STRA6: variants seen among roughly 807,000 people sequenced by gnomAD.
STRA6 encodes receptor for retinol uptake STRA6.
In STRA6, 48 loss-of-function variants were observed where a neutral mutation model predicts 83.6. The observed-to-expected ratio is 0.57, with a 90% CI of 0.46 to 0.73. The LOEUF is 0.73. Ranked by LOEUF, STRA6 falls within the 30% of genes least tolerant of loss-of-function variation. The probability of loss-of-function intolerance (pLI) is 0.00; values close to 1 mark genes in which losing one functional copy is unlikely to be tolerated. For missense variants in STRA6, 760 were observed against 838.8 expected, an observed-to-expected ratio of 0.91 and a Z score of 1.16; for synonymous variants, 353 against 362.3, an observed-to-expected ratio of 0.97 and a Z score of 0.29.
chr15:74,206,256 G>A (rs1256029306), upstream of STRA6, among the ~76,000 whole-genome samples: 1 of 152,222 alleles, frequency 6.6e-6, no homozygotes, highest in African/African-American at 2.4e-5. Flanking sequence ...GGTGCGGGCA[G>A]GGTGGGCAGG....
chr15:74,184,542 G>A (rs2073149225), intron 13 of STRA6, among the ~76,000 whole-genome samples: 1 of 152,054 alleles, frequency 6.6e-6, no homozygotes, highest in Non-Finnish European at 1.5e-5. Context: ...CCTCTCCAGT[G>A]TGCTATGCCA....
At position 74,180,812 on chromosome 15, in the gene STRA6, C is replaced by G. The variant is rs374676386; in HGVS notation, c.1810G>C (p.Asp604His). The G allele has an allele frequency of 7.7e-5, 125 of 1,613,328 alleles. No homozygotes were observed. The highest frequency in any genetic ancestry group is 1.0e-4 in the Non-Finnish European group (121 of 1,179,498). ...LLPRTMAAPQ[D>H]SLRPGEEDEG... ...TCTTCCTCCCCTGGTCTGAGGCTGTCCTGGGGGGCTGCCATGGTCCTGGGT... is the reference window on the plus strand; with the variant it reads ...TCTTCCTCCCCTGGTCTGAGGCTGTGCTGGGGGGCTGCCATGGTCCTGGGT... Residue 604 changes from aspartate (D) to histidine (H), a missense_variant, in exon 18 of 19, where the codon GAC becomes CAC. By Grantham distance (81) the Asp-to-His change is moderately conservative. Transcript: ENST00000395105.
intron 11 of STRA6, among the ~76,000 whole-genome samples, chr15:74,189,511 A>C (rs891065196): frequency 2.6e-5 from 4 of 152,236 alleles, no homozygotes; most frequent in African/African-American, 9.6e-5. Context: ...CCGTAACTTC[A>C]TATAGTCAGC....
chr15:74,209,381 C>G, upstream of STRA6: 1 of 1,535,648 alleles, frequency 6.5e-7, no homozygotes, highest in Non-Finnish European at 8.7e-7. Flanking sequence ...CCATCCATCA[C>G]TCCCAGGGGG....
chr15:74,182,241 G>C lies in STRA6; in HGVS notation c.1440C>G (p.Ala480=), dbSNP rs143350697. 1.9e-6 allele frequency: 3 copies of C among 1,614,034 alleles called. No homozygotes were observed. In the South Asian group the frequency reaches 3.3e-5, roughly 18 times the overall value. The change falls in exon 16 of 19, where the codon GCC becomes GCG. Residue 480 remains alanine, a synonymous_variant. Transcript: ENST00000395105. ...CCATGTTCTGCAGGATCACAGCCAG[G>C]GCCAAAGTCAGCCAGAAGGGCCTGC... ...ESSWPFWLTL[A]LAVILQNMAA... is the part of the protein sequence containing the mutation.
upstream of STRA6, among the ~76,000 whole-genome samples, chr15:74,211,972 A>T (rs560704151): frequency 5.9e-5 from 9 of 151,864 alleles, no homozygotes; most frequent in Admixed American, 3.3e-4. Flanking sequence ...CCCACTCCCC[A>T]GTCTGGCTGT....
At chr15:74,211,393 C>CTTTTTTT (rs34963230), upstream of STRA6, among the ~76,000 whole-genome samples, 23 of 73,894 alleles carry the variant, frequency 3.1e-4, no homozygotes, top group East Asian at 8.7e-4. Flanking sequence ...CTGCCCCTGG[C>CTTTTTTT]TTTTTTTTTT....
At chr15:74,206,144 C>A (rs1344116257), upstream of STRA6, among the ~76,000 whole-genome samples, 1 of 152,198 alleles carries the variant, frequency 6.6e-6, no homozygotes, top group African/African-American at 2.4e-5. Flanking sequence ...ACACCAGTAA[C>A]CAGTTGTAAC....
chr15:74,181,754 C>T (rs1351192794), intron 16 of STRA6, among the ~76,000 whole-genome samples: 2 of 152,126 alleles, frequency 1.3e-5, no homozygotes, highest in East Asian at 3.9e-4. Flanking sequence ...ACCCTGATGC[C>T]TCCCACCTCC....
intron 2 of STRA6, among the ~76,000 whole-genome samples, chr15:74,200,151 C>T (rs936838826): frequency 2.6e-5 from 4 of 152,180 alleles, no homozygotes; most frequent in Non-Finnish European, 5.9e-5. Context: ...ACTGGGGAAG[C>T]GGAGGTTGCA....
chr15:74,207,664 T>C (rs575199166), upstream of STRA6: 7 of 1,527,646 alleles, frequency 4.6e-6, no homozygotes, highest in Non-Finnish European at 6.1e-6. Context: ...AAGAGAGGCG[T>C]TCCAGGAGTG....
chr15:74,202,911 G>A (rs938843456), upstream of STRA6: 1 of 990,916 alleles, frequency 1.0e-6, no homozygotes, highest in Non-Finnish European at 1.2e-6. Flanking sequence ...CCCCTCCTGG[G>A]GGAGGAGGCC....
intron 1 of STRA6, 193 bp from the exon 2 acceptor site, chr15:74,202,475 G>C: frequency 2.6e-6 from 4 of 1,535,986 alleles, no homozygotes; most frequent in Non-Finnish European, 3.5e-6. Context: ...GCTGGCACGG[G>C]AAGAGGACAG....
chr15:74,194,676 G>T, intron 7 of STRA6: 1 of 936,070 alleles, frequency 1.1e-6, no homozygotes, highest in Non-Finnish European at 1.4e-6. Flanking sequence ...GTTCATAGCT[G>T]TAGTCCAGTG....
At chr15:74,190,976 C>T (rs992686054) in intron 10 of STRA6, 75 bp from the exon 11 acceptor site, 3 of 1,604,444 alleles carry the variant, frequency 1.9e-6, no homozygotes, top group South Asian at 2.2e-5. Flanking sequence ...CCCAAGGGGC[C>T]CAGGAAAAGG....
intron 9 of STRA6, 37 bp downstream of exon 9, chr15:74,191,387 A>G (rs1391671179): frequency 6.2e-7 from 1 of 1,611,380 alleles, no homozygotes; most frequent in African/African-American, 1.3e-5. Flanking sequence ...AACCAGCCCA[A>G]TCCATTGGCC....
chr15:74,205,138 T>C (rs1256084071), upstream of STRA6, among the ~76,000 whole-genome samples: 1 of 151,970 alleles, frequency 6.6e-6, no homozygotes, highest in Non-Finnish European at 1.5e-5. Flanking sequence ...AGTTGGCTGT[T>C]TGAGACAAGG....
At chr15:74,198,238 C>A (rs1448336738) in intron 2 of STRA6, among the ~76,000 whole-genome samples, 1 of 152,068 alleles carries the variant, frequency 6.6e-6, no homozygotes, top group Admixed American at 6.5e-5. Flanking sequence ...TCATGAGTAG[C>A]TGGGACCACA....
At chr15:74,183,577 ACCT>A in intron 14 of STRA6, 1 of 1,294,038 alleles carries the variant, frequency 7.7e-7, no homozygotes. Context: ...ACACCTCCAG[ACCT>A]GGGTCCACCC....
Sources: allele counts gnomAD v4.1 joint callset (sites outside exome capture counted in the v4.1 genomes callset), GRCh38; gene constraint gnomAD v4.1.1; transcripts MANE v1.5; gene names NCBI Gene and HGNC (gene_info 2026-07-23, HGNC 2026-07-21).